The following COL19A1 variants were observed in gnomAD, a reference collection of about 807,000 sequenced individuals.
COL19A1 encodes collagen alpha-1(XIX) chain.
In COL19A1, 159 loss-of-function variants were observed where a neutral mutation model predicts 190.2. That is an observed-to-expected ratio of 0.84 (90% CI 0.73 to 0.95). COL19A1 has a LOEUF of 0.95. COL19A1 is among the 40% of genes least tolerant of loss of function. COL19A1 has a pLI of 0.00. For missense variants in COL19A1, 1,418 were observed against 1,431.9 expected, an observed-to-expected ratio of 0.99 and a Z score of 0.16; for synonymous variants, 509 against 458.9, an observed-to-expected ratio of 1.11 and a Z score of -1.39.
At chr6:69,979,246 TTTTA>T (rs1775901556) in intron 11 of COL19A1, among the ~76,000 whole-genome samples, 1 of 151,910 alleles carries the variant, frequency 6.6e-6, no homozygotes, top group South Asian at 2.1e-4. Flanking sequence ...TATAACTATA[TTTTA>T]TTTATTGTTA....
intron 48 of COL19A1, among the ~76,000 whole-genome samples, chr6:70,192,068 G>A (rs1423921499): frequency 6.6e-6 from 1 of 151,902 alleles, no homozygotes; most frequent in East Asian, 1.9e-4. Flanking sequence ...TTGTTTGGTT[G>A]GTTGGTTGGT....
chr6:69,989,950 A>G (rs1776526282), intron 11 of COL19A1, among the ~76,000 whole-genome samples: 1 of 152,122 alleles, frequency 6.6e-6, no homozygotes, highest in Non-Finnish European at 1.5e-5. Flanking sequence ...TCAATTGTGA[A>G]TGAGTAATTT....
chr6:70,111,288 A>ACC, intron 16 of COL19A1, among the ~76,000 whole-genome samples: 1 of 152,326 alleles, frequency 6.6e-6, no homozygotes, highest in Middle Eastern at 3.4e-3. Context: ...TAGTATGATC[A>ACC]AAGTAAAGAC....
In COL19A1 at chr6:70,156,189, A is replaced by T; in HGVS notation, c.2142A>T (p.Gly714=). The part of the protein sequence containing the change: ...PGLKSNKGEE[G]GAGEPGKYDS... The stretch of plus-strand genomic sequence containing the variant: ...TGAAAAGCAACAAAGGAGAAGAAGG[A>T]GGTGCTGGTGAGCCTGGAAAGTATG... Residue 714 remains glycine (G), a synonymous_variant, in exon 32 of 51, where the codon GGA becomes GGT. Coordinates refer to ENST00000620364, the MANE Select transcript of COL19A1 (RefSeq NM_001858.6). 6.2e-7 allele frequency: 1 copy of T among 1,613,350 alleles called. No homozygotes were observed. Among genetic ancestry groups the T allele is most frequent in the Non-Finnish European group, 8.5e-7 (1 of 1,179,584 alleles).
At chr6:69,929,293 A>T in intron 5 of COL19A1, 132 bp from the exon 6 acceptor site, 1 of 857,922 alleles carries the variant, frequency 1.2e-6, no homozygotes, top group South Asian at 1.9e-5. Flanking sequence ...CCTGGTGGAC[A>T]CAAGTGTCAT....
At position 70,099,516 on chromosome 6, in the gene COL19A1, A is replaced by C. The variant is rs1340638638; in HGVS notation, c.1225-2653A>C. 4.0e-5 allele frequency among the ~76,000 whole-genome samples: 6 copies of C among 151,712 alleles called. 1 individual carries two copies. In the South Asian group the frequency reaches 1.3e-3, roughly 32 times the overall value. On this transcript the variant is annotated intron_variant, in intron 15 of 50. Transcript: ENST00000620364. ...TAGACTTGGGGCCCATCCCCAAGAT[A>C]TATCATTATGTATATGCAAATATTC...
chr6:70,144,883 GC>G (rs755272729), intron 24 of COL19A1, 34 bp from the exon 25 acceptor site: 1 of 1,326,194 alleles, frequency 7.5e-7, no homozygotes. Flanking sequence ...ATGAACCTGA[GC>G]ATCAAAGTAA....
chr6:70,117,557 C>T (rs1313195663), intron 16 of COL19A1, among the ~76,000 whole-genome samples: 1 of 152,204 alleles, frequency 6.6e-6, no homozygotes, highest in Admixed American at 6.5e-5. Flanking sequence ...CTTTAATTCA[C>T]TTTATCACAC....
intron 15 of COL19A1, 99 bp downstream of exon 15, chr6:70,068,575 G>A: frequency 1.5e-6 from 1 of 676,630 alleles, no homozygotes; most frequent in Non-Finnish European, 2.6e-6. Flanking sequence ...AAGCAGATGG[G>A]CATATGGAGA....
At chr6:70,145,747 G>T (rs1786594006) in intron 25 of COL19A1, among the ~76,000 whole-genome samples, 2 of 135,912 alleles carry the variant, frequency 1.5e-5, no homozygotes, top group African/African-American at 5.6e-5. Flanking sequence ...TTGAGACAGG[G>T]TCTTAATCTG....
At chr6:69,958,137 C>T (rs955762661) in intron 9 of COL19A1, among the ~76,000 whole-genome samples, 1 of 152,106 alleles carries the variant, frequency 6.6e-6, no homozygotes, top group African/African-American at 2.4e-5. Flanking sequence ...CCTAACCTGA[C>T]ATATGGCAGG....
intron 1 of COL19A1, among the ~76,000 whole-genome samples, chr6:69,868,976 A>G (rs938954384): frequency 5.4e-4 from 82 of 152,312 alleles, no homozygotes; most frequent in African/African-American, 1.8e-3. Flanking sequence ...TGAAAAATAA[A>G]CTGAAATGCA....
intron 6 of COL19A1, 143 bp from the exon 7 acceptor site, chr6:69,932,640 T>C: frequency 1.8e-6 from 1 of 570,188 alleles, no homozygotes; most frequent in Non-Finnish European, 3.1e-6. Context: ...GAATCCTACA[T>C]TTAATAAAAA....
chr6:69,983,904 AT>A (rs956445713), intron 11 of COL19A1, among the ~76,000 whole-genome samples: 1 of 151,414 alleles, frequency 6.6e-6, no homozygotes, highest in Non-Finnish European at 1.5e-5. Flanking sequence ...AAAATTTAAG[AT>A]TTTTTTTTCT....
chr6:70,163,151 A>G (rs749457788), intron 35 of COL19A1, among the ~76,000 whole-genome samples, 192 bp from the exon 36 acceptor site: 2 of 152,232 alleles, frequency 1.3e-5, no homozygotes, highest in Admixed American at 1.3e-4. Flanking sequence ...CCACAAATAC[A>G]AATTTTACCC....
At chr6:70,174,463 G>A (rs1234202156) in intron 41 of COL19A1, among the ~76,000 whole-genome samples, 4 of 152,108 alleles carry the variant, frequency 2.6e-5, no homozygotes, top group African/African-American at 4.8e-5. Context: ...AGGAGGCTGA[G>A]GCAGAAGAAT....
chr6:69,883,103 C>T (rs947479467), intron 2 of COL19A1, among the ~76,000 whole-genome samples: 7 of 152,162 alleles, frequency 4.6e-5, no homozygotes, highest in African/African-American at 1.7e-4. Flanking sequence ...GGCACGTGAA[C>T]ACCTGGAAAG....
At chr6:70,166,497 G>A (rs117948538) in intron 37 of COL19A1, among the ~76,000 whole-genome samples, 5,906 of 152,296 alleles carry the variant, frequency 0.039, 154 homozygotes, top group Non-Finnish European at 0.059. Flanking sequence ...ACAGATGCAC[G>A]CTCCGTCAGG....
At chr6:70,142,740 T>C in intron 22 of COL19A1, 27 bp from the exon 23 acceptor site, 2 of 1,592,164 alleles carry the variant, frequency 1.3e-6, no homozygotes, top group Non-Finnish European at 1.7e-6. Flanking sequence ...TTAGCAAAGC[T>C]AAAGTATATA....
Sources: gnomAD v4.1 joint callset for allele counts (sites outside exome capture counted in the v4.1 genomes callset) on GRCh38, gnomAD v4.1.1 for gene constraint, MANE v1.5 for transcripts, NCBI Gene and HGNC (gene_info 2026-07-23, HGNC 2026-07-21) for gene names.